HUNK: variants seen among roughly 807,000 people sequenced by gnomAD.
HUNK encodes hormonally up-regulated Neu-associated kinase.
HUNK carries 21 observed loss-of-function variants against 61.0 expected under a neutral mutation model. The observed-to-expected ratio is 0.34, with a 90% CI of 0.24 to 0.50. The LOEUF is 0.50. Ranked by LOEUF, HUNK falls within the 20% of genes least tolerant of loss-of-function variation. HUNK has a pLI of 0.98. For synonymous variants in HUNK, 371 were observed against 386.1 expected, an observed-to-expected ratio of 0.96 and a Z score of 0.46; for missense variants, 772 against 945.7, an observed-to-expected ratio of 0.82 and a Z score of 2.41.
chr21:31,910,934 G>A lies in HUNK; in HGVS notation c.262-13534G>A, dbSNP rs116792662. On this transcript the variant is annotated intron_variant, in intron 1 of 10. Transcript: ENST00000270112. ...ACTTCATTCACGTGGATTCAACTTA[G>A]CACTTGGCATGCGGCAAATTCAAGT... is the stretch of plus-strand genomic sequence containing the variant. 1.2e-3 allele frequency among the ~76,000 whole-genome samples: 188 copies of A among 152,228 alleles called. 1 individual carries two copies. Among genetic ancestry groups the A allele is most frequent in the African/African-American group, 4.3e-3 (180 of 41,536 alleles).
At chr21:31,879,671 T>C (rs1313116305) in intron 1 of HUNK, among the ~76,000 whole-genome samples, 3 of 152,114 alleles carry the variant, frequency 2.0e-5, no homozygotes, top group Non-Finnish European at 4.4e-5. Flanking sequence ...TGCTGCCAGC[T>C]ATTGGAGGTC....
rs550700793 is a variant in HUNK at position 31,990,623 on chromosome 21, C to A, written c.1305+447C>A. Among the ~76,000 whole-genome samples, 657 of 152,006 alleles carry A rather than the reference C, an allele frequency of 4.3e-3. 4 individuals carry two copies. The highest frequency in any genetic ancestry group is 0.015 in the African/African-American group (617 of 41,420). ...TGATCTTGGCTCACTGCAACCTCCA[C>A]CTGCCAGGTTCAAGCAATTCTCCGG... On this transcript the variant is annotated intron_variant, in intron 9 of 10. Coordinates refer to ENST00000270112, the MANE Select transcript of HUNK (RefSeq NM_014586.2).
chr21:31,979,937 C>T (rs1601408303), intron 7 of HUNK, among the ~76,000 whole-genome samples: 1 of 152,198 alleles, frequency 6.6e-6, no homozygotes, highest in Admixed American at 6.5e-5. Context: ...GATGTAATTA[C>T]ATTTGTCTAT....
chr21:31,998,535 G>C lies in HUNK; in HGVS notation c.1496G>C (p.Gly499Ala), dbSNP rs1484610306. The change falls in exon 11 of 11, where the codon GGC becomes GCC. Residue 499 changes from glycine (G) to alanine (A), a missense_variant. Gly to Ala is a moderately conservative substitution (Grantham distance 60). This residue lies in a region of HUNK where 413 missense variants were observed against 444.4 expected (regional missense o/e 0.93). Transcript: ENST00000270112. ...KSSFPDKDSF[G>A]CRNIFRKTSD... ...CTTTCTTGGTGTGCAGATTCCTTTG[G>C]CTGCCGCAATATTTTCCGCAAAACC... 6.3e-7 allele frequency: 1 copy of C among 1,585,856 alleles called. No individual in the cohort carries two copies. The highest frequency in any genetic ancestry group is 1.8e-5 in the Admixed American group (1 of 56,162).
chr21:31,876,436 T>A (rs950070328), intron 1 of HUNK, among the ~76,000 whole-genome samples: 5 of 152,190 alleles, frequency 3.3e-5, no homozygotes, highest in Non-Finnish European at 7.4e-5. Flanking sequence ...AACTAATAGA[T>A]TTGGGTTTTA....
chr21:31,900,553 A>G (rs2052459010), intron 1 of HUNK, among the ~76,000 whole-genome samples: 2 of 151,986 alleles, frequency 1.3e-5, no homozygotes, highest in South Asian at 2.1e-4. Context: ...GCAGGTCTCC[A>G]TGTGGAAGCT....
At chr21:31,961,637 C>G (rs2052929572) in intron 5 of HUNK, among the ~76,000 whole-genome samples, 1 of 152,126 alleles carries the variant, frequency 6.6e-6, no homozygotes. Flanking sequence ...TGTGATGTTT[C>G]CAAATAGATG....
chr21:31,999,482 A>T lies in HUNK; in HGVS notation c.*298A>T. ...CACTTCCCCCAGGCTTGGGGGGAAA[A>T]CAGGGCATGAGCCTTCTGGGGCACT... On this transcript the variant is annotated 3_prime_UTR_variant, in exon 11 of 11. Coordinates refer to ENST00000270112, the MANE Select transcript of HUNK (RefSeq NM_014586.2). The T allele has an allele frequency of 2.7e-6, 1 of 368,774 alleles. No homozygotes were observed. The highest frequency in any genetic ancestry group is 6.2e-5 in the South Asian group (1 of 16,224). The allele number at this position is 368,774 out of a possible 1,614,324, so 22.8% of individuals were successfully genotyped here.
intron 4 of HUNK, among the ~76,000 whole-genome samples, chr21:31,955,769 C>G (rs1023603847): frequency 2.6e-5 from 4 of 152,178 alleles, no homozygotes; most frequent in Admixed American, 2.6e-4. Flanking sequence ...TGTCTGTGTA[C>G]CTCAGTTTGA....
intron 9 of HUNK, among the ~76,000 whole-genome samples, chr21:31,993,265 G>C (rs890352169): frequency 6.6e-6 from 1 of 152,102 alleles, no homozygotes; most frequent in Non-Finnish European, 1.5e-5. Flanking sequence ...ACCCTAACTG[G>C]GTGGCGATAC....
chr21:31,874,285 C>T (rs1329787801), intron 1 of HUNK, among the ~76,000 whole-genome samples: 4 of 112,072 alleles, frequency 3.6e-5, no homozygotes, highest in African/African-American at 1.4e-4. Context: ...GCGGCGGATC[C>T]GTGGCGAGGC....
intron 3 of HUNK, among the ~76,000 whole-genome samples, chr21:31,943,410 T>A (rs1246389127): frequency 6.6e-6 from 1 of 152,202 alleles, no homozygotes; most frequent in Non-Finnish European, 1.5e-5. Context: ...TTGGTTGATA[T>A]ATTTACCAAA....
At chr21:31,961,645 A>G (rs976554581) in intron 5 of HUNK, among the ~76,000 whole-genome samples, 7 of 152,212 alleles carry the variant, frequency 4.6e-5, no homozygotes, top group African/African-American at 1.7e-4. Context: ...TTCCAAATAG[A>G]TGCAGTCTTT....
intron 3 of HUNK, among the ~76,000 whole-genome samples, chr21:31,941,286 ATTTTC>A (rs975678534): frequency 7.1e-4 from 107 of 151,182 alleles, no homozygotes; most frequent in African/African-American, 2.4e-3. Flanking sequence ...AATTCAAAGG[ATTTTC>A]TTTTCTTTTC....
Position 31,946,083 on chromosome 21 carries a change from T to C in HUNK, c.658T>C (p.Phe220Leu), listed in dbSNP as rs1375958922. The change falls in exon 4 of 11, where the codon TTC (phenylalanine) becomes CTC (leucine). Residue 220 changes from phenylalanine (F) to leucine (L), a missense_variant. Around this residue, in one of 2 missense-constraint regions of HUNK, gnomAD observed 359 missense variants for 501.3 expected, o/e 0.72. Transcript: ENST00000270112. Reference protein sequence around the residue: ...CAGILGYSDPFSTQCGSPAYA... With the variant: ...CAGILGYSDPLSTQCGSPAYA... ...AGGGATCCTGGGTTACTCGGATCCG[T>C]TCAGCACACAGTGTGGCAGCCCTGC... 1 of 1,613,544 alleles carries C rather than the reference T, an allele frequency of 6.2e-7. No individual in the cohort carries two copies. Among genetic ancestry groups the C allele is most frequent in the Admixed American group, 1.7e-5 (1 of 60,016 alleles).
intron 1 of HUNK, among the ~76,000 whole-genome samples, chr21:31,908,820 A>C (rs540656396): frequency 1.2e-3 from 186 of 152,336 alleles, no homozygotes; most frequent in Non-Finnish European, 2.3e-3. Flanking sequence ...GGGAACAGAC[A>C]GGGCTACTGG....
chr21:31,941,187 C>T (rs889735420), intron 3 of HUNK, among the ~76,000 whole-genome samples: 1 of 152,188 alleles, frequency 6.6e-6, no homozygotes, highest in African/African-American at 2.4e-5. Flanking sequence ...TTGATGGATA[C>T]ACTTATTACT....
chr21:31,984,480 C>T (rs79969234), intron 8 of HUNK, among the ~76,000 whole-genome samples: 10,245 of 152,164 alleles, frequency 0.067, 390 homozygotes, highest in South Asian at 0.12. Flanking sequence ...AGATGAGGAA[C>T]GCAAAAGTTT....
chr21:31,962,327 A>C (rs1043676502), intron 5 of HUNK, among the ~76,000 whole-genome samples: 1 of 152,250 alleles, frequency 6.6e-6, no homozygotes, highest in Non-Finnish European at 1.5e-5. Context: ...TTAGTAACAC[A>C]AGAAAATCAA....
Sources: gnomAD v4.1 joint callset for allele counts (sites outside exome capture counted in the v4.1 genomes callset) on GRCh38, gnomAD v4.1.1 for gene constraint, gnomAD v4.1.1 regional missense constraint, MANE v1.5 for transcripts, NCBI Gene and HGNC (gene_info 2026-07-23, HGNC 2026-07-21) for gene names.